The following RAB3GAP2 variants were observed in gnomAD, a reference collection of about 807,000 sequenced individuals.
RAB3GAP2 encodes the protein RAB3 GTPase activating non-catalytic protein subunit 2.
RAB3GAP2 carries 87 observed loss-of-function variants against 185.3 expected under a neutral mutation model. That is an observed-to-expected ratio of 0.47 (90% CI 0.39 to 0.56). The LOEUF (loss-of-function observed/expected upper bound fraction) is 0.56, where lower values mean the gene tolerates loss of function less well. RAB3GAP2 is among the 20% of genes least tolerant of loss of function. RAB3GAP2 has a pLI of 0.00. For synonymous variants in RAB3GAP2, 554 were observed against 576.1 expected (o/e 0.96, Z 0.55); for missense variants, 1,492 against 1,638.2 (o/e 0.91, Z 1.54).
At chr1:220,248,820 G>C (rs1020952937) in intron 1 of RAB3GAP2, among the ~76,000 whole-genome samples, 1 of 152,116 alleles carries the variant, frequency 6.6e-6, no homozygotes, top group Non-Finnish European at 1.5e-5. Context: ...TCATCATAGT[G>C]AGTTCTCACG....
At position 220,157,503 on chromosome 1, in the gene RAB3GAP2, A is replaced by G; in HGVS notation, c.3337-15T>C. The G allele has an allele frequency of 6.2e-7, 1 of 1,609,618 alleles. No individual in the cohort carries two copies. Among genetic ancestry groups the G allele is most frequent in the Non-Finnish European group, 8.5e-7 (1 of 1,177,158 alleles). On this transcript the variant is annotated splice_polypyrimidine_tract_variant and intron_variant, in intron 30 of 34. Transcript: ENST00000358951. ...CTAACATCTGCCTAAGGGTTTTGAG[A>G]ATGGAGGACTGTGTTCAGTAATGGA...
intron 12 of RAB3GAP2, 72 bp from the exon 13 acceptor site, chr1:220,193,451 G>A (rs973629927): frequency 3.5e-6 from 5 of 1,434,920 alleles, no homozygotes; most frequent in Admixed American, 1.9e-5. Flanking sequence ...ATAACGAAAT[G>A]CATAAATGAA....
intron 1 of RAB3GAP2, among the ~76,000 whole-genome samples, chr1:220,256,369 T>C (rs1660031881): frequency 6.6e-6 from 1 of 152,164 alleles, no homozygotes; most frequent in Admixed American, 6.5e-5. Flanking sequence ...AATAACCAGC[T>C]AGCATCATGA....
At chr1:220,246,960 A>G (rs533713403) in intron 1 of RAB3GAP2, among the ~76,000 whole-genome samples, 56 of 152,304 alleles carry the variant, frequency 3.7e-4, no homozygotes, top group African/African-American at 9.6e-4. Flanking sequence ...ATGAACAGAT[A>G]TTTCTCTAAA....
At position 220,167,592 on chromosome 1, in the gene RAB3GAP2, C is replaced by A; in HGVS notation, c.2890G>T (p.Asp964Tyr). The change falls in exon 25 of 35, where the codon GAT becomes TAT. Residue 964 changes from aspartate (D) to tyrosine (Y), a missense_variant. Physicochemically the swap from Asp to Tyr is radical, Grantham distance 160. This residue lies in a region of RAB3GAP2 where 681 missense variants were observed against 689.1 expected (regional missense o/e 0.99). Coordinates refer to ENST00000358951, the MANE Select transcript of RAB3GAP2 (RefSeq NM_012414.4). ...EVLKLANEER[D>Y]AENPDEPKEG... ...TTGGGTTCATCTGGGTTTTCTGCAT[C>A]TCTTTCTTCATTAGCCAGTTTTAAT... 1 of 1,614,168 alleles carries A rather than the reference C, an allele frequency of 6.2e-7. No homozygotes were observed. Among genetic ancestry groups the A allele is most frequent in the Non-Finnish European group, 8.5e-7 (1 of 1,179,996 alleles).
intron 14 of RAB3GAP2, 118 bp downstream of exon 14, chr1:220,190,950 G>T: frequency 2.0e-6 from 2 of 988,140 alleles, no homozygotes; most frequent in Non-Finnish European, 3.1e-6. Context: ...CCACAATAAA[G>T]AATATTGTAA....
chr1:220,153,379 C>T lies in RAB3GAP2; in HGVS notation c.3673G>A (p.Val1225Ile), dbSNP rs148340670. Residue 1225 changes from valine to isoleucine, a missense_variant, in exon 33 of 35, where the codon GTC becomes ATC. Val to Ile is a conservative substitution (Grantham distance 29). Coordinates refer to ENST00000358951, the MANE Select transcript of RAB3GAP2 (RefSeq NM_012414.4). ...TTTGTGGCTGAATGTTGGGCCTGGA[C>T]AGCTGCACTGACAACTTTCAATAAG... ...QFLLKVVSAAVQAQHSATKVK... is the reference protein window; with the variant it reads ...QFLLKVVSAAIQAQHSATKVK... The T allele has an allele frequency of 5.0e-6, 8 of 1,614,036 alleles. No individual in the cohort carries two copies. The highest frequency in any genetic ancestry group is 1.1e-5 in the South Asian group (1 of 91,086).
At chr1:220,184,549 T>C (rs1235727834) in intron 18 of RAB3GAP2, among the ~76,000 whole-genome samples, 1 of 152,118 alleles carries the variant, frequency 6.6e-6, no homozygotes, top group Non-Finnish European at 1.5e-5. Context: ...AGGGAGACAC[T>C]GATAATCCCC....
At position 220,190,130 on chromosome 1, in the gene RAB3GAP2, G is replaced by A. The variant is rs1571890895; in HGVS notation, c.1648C>T (p.Arg550Ter). 2.5e-6 allele frequency: 4 copies of A among 1,612,498 alleles called. No individual in the cohort carries two copies. The highest frequency in any genetic ancestry group is 2.2e-5 in the East Asian group (1 of 44,818). ...HLALSDKKSE[R>*]AKDMHLVKKL... ...TTCACTAGGTGCATATCCTTGGCTC[G>A]TTCACTCTTCTTATCACTAAACCAA... Residue 550 changes from arginine to a stop codon, truncating the protein, a stop_gained, in exon 16 of 35, where the codon CGA becomes TGA. Coordinates refer to ENST00000358951, the MANE Select transcript of RAB3GAP2 (RefSeq NM_012414.4). LOFTEE classifies it high-confidence loss of function.
intron 1 of RAB3GAP2, among the ~76,000 whole-genome samples, chr1:220,264,169 A>T (rs1558175840): frequency 6.6e-6 from 1 of 151,756 alleles, no homozygotes; most frequent in Non-Finnish European, 1.5e-5. Context: ...TCAGTACAAA[A>T]CTCTCTCTGC....
intron 2 of RAB3GAP2, among the ~76,000 whole-genome samples, chr1:220,218,662 A>C (rs1452973388): frequency 1.3e-5 from 2 of 152,090 alleles, no homozygotes; most frequent in African/African-American, 2.4e-5. Context: ...TGGGTGCAGC[A>C]CACCAAAATG....
intron 1 of RAB3GAP2, chr1:220,267,304 C>T (rs928576703): frequency 1.3e-5 from 13 of 965,708 alleles, no homozygotes; most frequent in African/African-American, 3.2e-5. Flanking sequence ...TAGGTAGACT[C>T]TGGTGGCATC....
At chr1:220,155,965 T>C (rs1442296361) in intron 31 of RAB3GAP2, among the ~76,000 whole-genome samples, 1 of 152,100 alleles carries the variant, frequency 6.6e-6, no homozygotes, top group African/African-American at 2.4e-5. Context: ...TTTTTTTTTT[T>C]TTTGAGACAG....
chr1:220,189,661 T>C (rs1299911900), intron 17 of RAB3GAP2, 42 bp downstream of exon 17: 4 of 1,528,246 alleles, frequency 2.6e-6, no homozygotes, highest in Admixed American at 1.8e-5. Context: ...AAGGATGTAT[T>C]ATAGCTACTA....
chr1:220,172,370 G>A (rs1000509362), intron 22 of RAB3GAP2, among the ~76,000 whole-genome samples: 3 of 152,008 alleles, frequency 2.0e-5, no homozygotes, highest in Non-Finnish European at 2.9e-5. Context: ...TGCCTTCCCC[G>A]AAGACCATTC....
At chr1:220,196,456 T>C in intron 9 of RAB3GAP2, 58 bp from the exon 10 acceptor site, 1 of 1,463,526 alleles carries the variant, frequency 6.8e-7, no homozygotes, top group Non-Finnish European at 9.5e-7. Context: ...ATTACATTTT[T>C]ACTTCAGTTC....
At chr1:220,253,886 T>C in intron 1 of RAB3GAP2, 1 of 1,613,402 alleles carries the variant, frequency 6.2e-7, no homozygotes, top group African/African-American at 1.3e-5. Flanking sequence ...CAGAAAAATG[T>C]TGAAGTGAAA....
intron 31 of RAB3GAP2, among the ~76,000 whole-genome samples, chr1:220,154,816 G>A (rs531218866): frequency 1.7e-4 from 25 of 151,048 alleles, no homozygotes; most frequent in Non-Finnish European, 3.4e-4. Flanking sequence ...CACCTTCCTG[G>A]TTCAAGCGAT....
At chr1:220,203,888 G>A (rs1466268904) in intron 8 of RAB3GAP2, among the ~76,000 whole-genome samples, 2 of 152,006 alleles carry the variant, frequency 1.3e-5, no homozygotes, top group Admixed American at 6.6e-5. Context: ...AATTTTTATT[G>A]CAATATAAGA....
Sources: gnomAD v4.1 joint callset for allele counts (sites outside exome capture counted in the v4.1 genomes callset) on GRCh38, gnomAD v4.1.1 for gene constraint, gnomAD v4.1.1 regional missense constraint, MANE v1.5 for transcripts, NCBI Gene and HGNC (gene_info 2026-07-23, HGNC 2026-07-21) for gene names.